Variants in SLC39A10 observed in about 807,000 individuals in gnomAD.
The protein encoded by SLC39A10 is solute carrier family 39 member 10.
In SLC39A10, 13 loss-of-function variants were observed where a neutral mutation model predicts 65.1. That is an observed-to-expected ratio of 0.20 (90% CI 0.13 to 0.32). SLC39A10 has a LOEUF of 0.32. Ranked by LOEUF, SLC39A10 falls within the 10% of genes least tolerant of loss-of-function variation. The pLI is 1.00. For missense variants in SLC39A10, 831 were observed against 1,018.4 expected (o/e 0.82, Z 2.50); for synonymous variants, 321 against 342.2 (o/e 0.94, Z 0.68).
chr2:195,636,490 G>A (rs1355409802), intron 2 of SLC39A10, among the ~76,000 whole-genome samples: 8 of 152,170 alleles, frequency 5.3e-5, no homozygotes, highest in Admixed American at 1.3e-4. Flanking sequence ...AGTGGCTCAC[G>A]CCTGTAATCC....
At chr2:195,651,267 G>A (rs1689024890) in intron 2 of SLC39A10, among the ~76,000 whole-genome samples, 1 of 152,062 alleles carries the variant, frequency 6.6e-6, no homozygotes, top group South Asian at 2.1e-4. Context: ...TCCCCATTCT[G>A]ACAGTGTGTT....
intron 7 of SLC39A10, among the ~76,000 whole-genome samples, chr2:195,717,943 A>G (rs992037031): frequency 6.6e-6 from 1 of 152,244 alleles, no homozygotes; most frequent in African/African-American, 2.4e-5. Context: ...AAAGTTGACC[A>G]TCAAACCACT....
intron 1 of SLC39A10, among the ~76,000 whole-genome samples, chr2:195,658,903 A>G (rs536705941): frequency 1.4e-4 from 22 of 152,368 alleles, no homozygotes; most frequent in Middle Eastern, 3.4e-3. Flanking sequence ...CCACAGAATG[A>G]TGGTTTTAAA....
chr2:195,673,945 T>C (rs1452021538), intron 1 of SLC39A10, among the ~76,000 whole-genome samples: 1 of 152,226 alleles, frequency 6.6e-6, no homozygotes, highest in African/African-American at 2.4e-5. Context: ...ATCTGTGTAC[T>C]TCCTCTATCA....
chr2:195,698,076 T>C (rs1180976617), intron 3 of SLC39A10, among the ~76,000 whole-genome samples: 1 of 152,092 alleles, frequency 6.6e-6, no homozygotes, highest in Non-Finnish European at 1.5e-5. Flanking sequence ...CCCGCTATTT[T>C]GCTGAATTCA....
chr2:195,640,104 C>T (rs1688774664), intron 2 of SLC39A10, among the ~76,000 whole-genome samples: 2 of 152,186 alleles, frequency 1.3e-5, no homozygotes, highest in Admixed American at 1.3e-4. Flanking sequence ...CACATACCCT[C>T]ATTCAATGAT....
At chr2:195,700,849 C>T (rs1007920246) in intron 3 of SLC39A10, among the ~76,000 whole-genome samples, 2 of 152,052 alleles carry the variant, frequency 1.3e-5, no homozygotes, top group African/African-American at 4.8e-5. Context: ...AGGAGTCTCT[C>T]TTGGTCTTTC....
At chr2:195,698,194 G>T (rs557114056) in intron 3 of SLC39A10, among the ~76,000 whole-genome samples, 36 of 152,138 alleles carry the variant, frequency 2.4e-4, no homozygotes, top group African/African-American at 8.7e-4. Flanking sequence ...TTGGAAGAGG[G>T]CCAAGCAGGC....
chr2:195,620,645 G>A (rs538333694), intron 2 of SLC39A10, among the ~76,000 whole-genome samples: 22 of 152,158 alleles, frequency 1.4e-4, no homozygotes, highest in African/African-American at 4.8e-4. Flanking sequence ...AAAGCCTACC[G>A]CAAATACTGC....
chr2:195,664,214 G>A (rs910450729), intron 1 of SLC39A10, among the ~76,000 whole-genome samples: 8 of 151,892 alleles, frequency 5.3e-5, no homozygotes, highest in African/African-American at 1.5e-4. Context: ...AGATTTTTGC[G>A]TAAACACAAG....
At chr2:195,686,632 A>T (rs897481346) in intron 3 of SLC39A10, among the ~76,000 whole-genome samples, 12 of 152,332 alleles carry the variant, frequency 7.9e-5, no homozygotes, top group African/African-American at 2.9e-4. Flanking sequence ...ATTTCTTTTA[A>T]TTTATTAAAC....
intron 3 of SLC39A10, among the ~76,000 whole-genome samples, chr2:195,695,299 T>G (rs1690906607): frequency 6.6e-6 from 1 of 152,160 alleles, no homozygotes; most frequent in African/African-American, 2.4e-5. Flanking sequence ...GATGGGGATG[T>G]GGTTCCCAGG....
At chr2:195,697,390 T>C (rs1220890385) in intron 3 of SLC39A10, among the ~76,000 whole-genome samples, 1 of 152,160 alleles carries the variant, frequency 6.6e-6, no homozygotes, top group African/African-American at 2.4e-5. Flanking sequence ...TTATTTGTCT[T>C]CTTTAATTTC....
intron 2 of SLC39A10, among the ~76,000 whole-genome samples, chr2:195,649,131 T>A (rs181956308): frequency 6.6e-6 from 1 of 152,092 alleles, no homozygotes; most frequent in East Asian, 1.9e-4. Flanking sequence ...TCTAAAGACG[T>A]GTGCTTGAAA....
intron 2 of SLC39A10, among the ~76,000 whole-genome samples, chr2:195,629,893 A>ATTTTTTAT (rs1274399508): frequency 6.6e-6 from 1 of 151,762 alleles, no homozygotes; most frequent in East Asian, 1.9e-4. Flanking sequence ...ATGCCTGGCT[A>ATTTTTTAT]TTTTTTATTT....
At chr2:195,702,286 T>C (rs1167983119) in intron 3 of SLC39A10, among the ~76,000 whole-genome samples, 2 of 152,112 alleles carry the variant, frequency 1.3e-5, no homozygotes, top group Non-Finnish European at 2.9e-5. Context: ...GGGAGCAAAA[T>C]ACATTTTGTC....
chr2:195,687,738 C>CG (rs1348243204), intron 3 of SLC39A10, among the ~76,000 whole-genome samples: 1 of 152,224 alleles, frequency 6.6e-6, no homozygotes, highest in Admixed American at 6.5e-5. Flanking sequence ...GGCACAGCTA[C>CG]TACCTCATTA....
chr2:195,689,600 C>T (rs1690652714), intron 3 of SLC39A10, among the ~76,000 whole-genome samples: 2 of 151,956 alleles, frequency 1.3e-5, no homozygotes, highest in South Asian at 2.1e-4. Flanking sequence ...TTTAAGTATA[C>T]AGTTTGGTGA....
chr2:195,644,669 G>A (rs1261873304), intron 2 of SLC39A10, among the ~76,000 whole-genome samples: 3 of 151,812 alleles, frequency 2.0e-5, no homozygotes, highest in Non-Finnish European at 1.5e-5. Context: ...GCTGCGTGTG[G>A]TGACACTGAC....
Sources: gnomAD v4.1 joint callset for allele counts (sites outside exome capture counted in the v4.1 genomes callset) on GRCh38, gnomAD v4.1.1 for gene constraint, MANE v1.5 for transcripts, NCBI Gene and HGNC (gene_info 2026-07-23, HGNC 2026-07-21) for gene names.